The following EFEMP1 variants were observed in gnomAD, a reference collection of about 807,000 sequenced individuals.
EFEMP1 encodes EGF-containing fibulin-like extracellular matrix protein 1.
In EFEMP1, 18 loss-of-function variants were observed where a neutral mutation model predicts 65.7. That is an observed-to-expected ratio of 0.27 (90% CI 0.19 to 0.41). The LOEUF is 0.41. Among genes scored for constraint, EFEMP1 ranks in the 10% least tolerant of loss-of-function variants. The probability of loss-of-function intolerance (pLI) is 1.00; values close to 1 mark genes in which losing one functional copy is unlikely to be tolerated. For missense variants in EFEMP1, 469 were observed against 624.8 expected, an observed-to-expected ratio of 0.75 and a Z score of 2.66; for synonymous variants, 237 against 219.7, an observed-to-expected ratio of 1.08 and a Z score of -0.70.
In EFEMP1 at chr2:55,881,810, A is replaced by G. The variant is rs917013088; in HGVS notation, c.518-76T>C. The G allele has an allele frequency of 6.4e-6, 10 of 1,573,064 alleles. No individual in the cohort carries two copies. The Admixed American group carries it at 1.3e-4, about 21-fold the overall frequency. The stretch of plus-strand genomic sequence containing the variant: ...TATTTCCTCCATTTTGCCACTTCTT[A>G]AGCTAAATTTTTACTTTATTCTTAA... On this transcript the variant is annotated intron_variant, in intron 5 of 11. Transcript: ENST00000355426.
At chr2:55,868,324 C>T (rs918841037) in intron 11 of EFEMP1, among the ~76,000 whole-genome samples, 3 of 152,018 alleles carry the variant, frequency 2.0e-5, no homozygotes, top group East Asian at 1.9e-4. Context: ...AATACTGAAC[C>T]GACAGGTGTA....
chr2:55,889,859 G>C (rs1669570414), intron 5 of EFEMP1, among the ~76,000 whole-genome samples: 1 of 150,570 alleles, frequency 6.6e-6, no homozygotes, highest in East Asian at 2.0e-4. Flanking sequence ...GCTAATAGAG[G>C]GGAAAATAGA....
chr2:55,876,122 A>ACT (rs944441598), intron 8 of EFEMP1, among the ~76,000 whole-genome samples: 1 of 152,064 alleles, frequency 6.6e-6, no homozygotes, highest in Non-Finnish European at 1.5e-5. Flanking sequence ...AACCCAGGCA[A>ACT]CTCAAGAAAT....
At position 55,867,024 on chromosome 2, in the gene EFEMP1, C is replaced by T. The variant is rs1668601231; in HGVS notation, c.*49G>A. On this transcript the variant is annotated 3_prime_UTR_variant, in exon 12 of 12. Transcript: ENST00000355426. This position sits in a 1 kb window ranked among gnomAD's most constrained non-coding sequence, Gnocchi z 4.3. ...TAAATAAAATAGTGCTTTAAGGTAA[C>T]AATATTCTTTGGCTGACTTAAATGC... The T allele has an allele frequency of 2.3e-5, 37 of 1,608,578 alleles. No individual in the cohort carries two copies. The highest frequency in any genetic ancestry group is 3.1e-5 in the Non-Finnish European group (36 of 1,177,098).
intron 5 of EFEMP1, among the ~76,000 whole-genome samples, chr2:55,916,549 T>C (rs1039501979): frequency 2.0e-5 from 3 of 152,222 alleles, no homozygotes; most frequent in South Asian, 2.1e-4. Context: ...GTGGTCTCTA[T>C]TGAAACCCTT....
intron 3 of EFEMP1, among the ~76,000 whole-genome samples, chr2:55,918,596 T>TC (rs1387106425): frequency 6.8e-6 from 1 of 147,176 alleles, no homozygotes; most frequent in African/African-American, 2.6e-5. Context: ...TTGCCTTTTT[T>TC]CCCACATTGG....
chr2:55,884,953 C>T (rs769648134), intron 5 of EFEMP1, among the ~76,000 whole-genome samples: 4 of 152,194 alleles, frequency 2.6e-5, no homozygotes, highest in Non-Finnish European at 4.4e-5. Flanking sequence ...TGAGTTATTA[C>T]CATTTGCTGA....
chr2:55,866,160 C>T lies in EFEMP1; in HGVS notation c.*913G>A, dbSNP rs1035167215. On this transcript the variant is annotated 3_prime_UTR_variant, in exon 12 of 12. Coordinates refer to ENST00000355426, the MANE Select transcript of EFEMP1 (RefSeq NM_001039348.3). ...TTTCTTCCTCTGTGAGCATCAAGTA[C>T]GAAGATGAGAAATTTTAGTTATAAA... 6 of 152,018 alleles carry T rather than the reference C, an allele frequency of 3.9e-5. No homozygotes were observed. The highest frequency in any genetic ancestry group is 1.2e-4 in the African/African-American group (5 of 41,384). 9.4% of individuals were successfully genotyped at this position (152,018 alleles called of 1,614,324 possible).
At position 55,918,024 on chromosome 2, in the gene EFEMP1, T is replaced by G; in HGVS notation, c.158A>C (p.Asp53Ala). The change falls in exon 5 of 12, where the codon GAC becomes GCC. Residue 53 changes from aspartate to alanine, a missense_variant. Transcript: ENST00000355426. The stretch of plus-strand genomic sequence containing the variant: ...ACACTTCATTCCACCTTTACAAGCG[T>G]CTGGGACAATGTCACATTCATCAAT... ...KDIDECDIVPDACKGGMKCVN... is the reference protein window; with the variant it reads ...KDIDECDIVPAACKGGMKCVN... 1 of 1,614,216 alleles carries G rather than the reference T, an allele frequency of 6.2e-7. No individual in the cohort carries two copies. Among genetic ancestry groups the G allele is most frequent in the Non-Finnish European group, 8.5e-7 (1 of 1,180,038 alleles).
intron 5 of EFEMP1, among the ~76,000 whole-genome samples, chr2:55,892,490 T>C (rs1343630878): frequency 6.6e-6 from 1 of 152,068 alleles, no homozygotes; most frequent in Non-Finnish European, 1.5e-5. Flanking sequence ...CCCTCTAATC[T>C]GTAGGATCAA....
At chr2:55,872,481 T>C (rs963948306) in intron 9 of EFEMP1, among the ~76,000 whole-genome samples, 1 of 152,164 alleles carries the variant, frequency 6.6e-6, no homozygotes, top group Non-Finnish European at 1.5e-5. Flanking sequence ...ATCTGGCTTT[T>C]AAGAAATATT....
chr2:55,923,618 C>G lies in EFEMP1; in HGVS notation c.-49+93G>C, dbSNP rs1386193286. 1.0e-6 allele frequency: 1 copy of G among 985,536 alleles called. No homozygotes were observed. Among genetic ancestry groups the G allele is most frequent in the African/African-American group, 1.7e-5 (1 of 57,238 alleles). The allele number at this position is 985,536 out of a possible 1,614,324, so 61.0% of individuals were successfully genotyped here. A position where few individuals can be genotyped will look rare whatever the true frequency, so the allele number is the denominator to read the frequency against. On this transcript the variant is annotated intron_variant, in intron 1 of 11. Coordinates refer to ENST00000355426, the MANE Select transcript of EFEMP1 (RefSeq NM_001039348.3). The surrounding 1 kb of genome is among the most constrained non-coding windows in gnomAD (Gnocchi z 5.3). ...CAGTCCAGGGCAGTTCTCGGGTACT[C>G]AACACCCCTCAGCTCACCCCACCTC...
At chr2:55,909,060 C>T (rs895201462) in intron 5 of EFEMP1, among the ~76,000 whole-genome samples, 11 of 152,084 alleles carry the variant, frequency 7.2e-5, no homozygotes, top group Admixed American at 5.9e-4. Flanking sequence ...GTATCTGAGA[C>T]CTCCATGTTA....
At chr2:55,884,502 G>A (rs975369873) in intron 5 of EFEMP1, among the ~76,000 whole-genome samples, 3 of 152,160 alleles carry the variant, frequency 2.0e-5, no homozygotes, top group African/African-American at 4.8e-5. Flanking sequence ...GCTCTCCCAG[G>A]AGTGTTGATG....
At chr2:55,869,038 T>G (rs1479626731) in intron 11 of EFEMP1, among the ~76,000 whole-genome samples, 5 of 152,160 alleles carry the variant, frequency 3.3e-5, no homozygotes, top group Non-Finnish European at 7.4e-5. Flanking sequence ...ACTCTGGAAA[T>G]ATCAAAATTG....
At chr2:55,908,281 A>G (rs1670355934) in intron 5 of EFEMP1, among the ~76,000 whole-genome samples, 1 of 152,192 alleles carries the variant, frequency 6.6e-6, no homozygotes, top group Middle Eastern at 3.2e-3. Context: ...AAGTTCATCA[A>G]AAGCCTTGAG....
At chr2:55,912,078 ATAAT>A (rs1670500279) in intron 5 of EFEMP1, among the ~76,000 whole-genome samples, 1 of 152,202 alleles carries the variant, frequency 6.6e-6, no homozygotes, top group Non-Finnish European at 1.5e-5. Flanking sequence ...GGTACTTGAG[ATAAT>A]TAACAACTAA....
At chr2:55,901,191 A>G (rs953874680) in intron 5 of EFEMP1, among the ~76,000 whole-genome samples, 1 of 152,216 alleles carries the variant, frequency 6.6e-6, no homozygotes, top group Non-Finnish European at 1.5e-5. Context: ...TCCCTAACAA[A>G]CACAAATATT....
At position 55,877,725 on chromosome 2, in the gene EFEMP1, G is replaced by C. The variant is rs769522793; in HGVS notation, c.760+21C>G. On this transcript the variant is annotated intron_variant, in intron 7 of 11. Coordinates refer to ENST00000355426, the MANE Select transcript of EFEMP1 (RefSeq NM_001039348.3). This position sits in a 1 kb window ranked among gnomAD's most constrained non-coding sequence, Gnocchi z 4.5. Reference sequence around the variant, plus strand: ...TTTCCTTTTGTGAAGACAGAAATCAGCAAGTTCTCAAAAGGCTTACCTACG... The same window carrying C: ...TTTCCTTTTGTGAAGACAGAAATCACCAAGTTCTCAAAAGGCTTACCTACG... The C allele has an allele frequency of 6.2e-7, 1 of 1,612,466 alleles. No individual in the cohort carries two copies. Among genetic ancestry groups the C allele is most frequent in the South Asian group, 1.1e-5 (1 of 91,068 alleles).
Sources: gnomAD v4.1 joint callset for allele counts (sites outside exome capture counted in the v4.1 genomes callset) on GRCh38, gnomAD v4.1.1 for gene constraint, Gnocchi (gnomAD v3.1) non-coding constraint, MANE v1.5 for transcripts, NCBI Gene and HGNC (gene_info 2026-07-23, HGNC 2026-07-21) for gene names.